Variants in APOH observed in about 807,000 individuals in gnomAD.
APOH encodes beta-2-glycoprotein 1.
APOH carries 48 observed loss-of-function variants against 39.8 expected under a neutral mutation model. The observed-to-expected ratio is 1.21, with a 90% CI of 0.96 to 1.54. The LOEUF is 1.54. Ranked by LOEUF, APOH falls within the 40% of genes most tolerant of loss-of-function variation. The pLI, the probability that APOH is intolerant of heterozygous loss-of-function variation, is 0.00. For synonymous variants in APOH, 153 were observed against 151.1 expected (o/e 1.01, Z -0.09); for missense variants, 415 against 421.2 (o/e 0.99, Z 0.13).
chr17:66,215,159 C>A (rs1325783639), intron 6 of APOH, among the ~76,000 whole-genome samples: 1 of 152,190 alleles, frequency 6.6e-6, no homozygotes, highest in Non-Finnish European at 1.5e-5. Context: ...AAGCCAAAGA[C>A]TGACTGATGA....
rs550977968 is a variant in APOH, at chr17:66,219,900, A to G, written c.604+654T>C. Among the ~76,000 whole-genome samples, 8 of 152,252 alleles carry G rather than the reference A, an allele frequency of 5.3e-5. No individual in the cohort carries two copies. The East Asian group carries it at 1.5e-3, about 29-fold the overall frequency. ...ACTCCAGCCTGAGTGACAGAGTGAG[A>G]CTATCTCAAAAAAAAGAAAAAAACA... On this transcript the variant is annotated intron_variant, in intron 5 of 7. Transcript: ENST00000205948.
At position 66,223,708 on chromosome 17, in the gene APOH, A is replaced by G. The variant is rs145202489; in HGVS notation, c.405T>C (p.Pro135=). ...TEEGKWSPEL[P]VCAPIICPPP... is the part of the protein sequence containing the mutation. ...TGCCCACAGACTTACGAGCACAGAC[A>G]GGAAGCTCCGGGCTCCATTTTCCTT... The change falls in exon 4 of 8, where the codon CCT becomes CCC. Residue 135 remains proline, a synonymous_variant. Coordinates refer to ENST00000205948, the MANE Select transcript of APOH (RefSeq NM_000042.3). 9.9e-6 allele frequency: 16 copies of G among 1,614,076 alleles called. No individual in the cohort carries two copies. The African/African-American group carries it at 1.6e-4, about 16-fold the overall frequency.
chr17:66,224,029 G>C (rs1179865798), intron 3 of APOH, among the ~76,000 whole-genome samples: 1 of 152,130 alleles, frequency 6.6e-6, no homozygotes, highest in African/African-American at 2.4e-5. Flanking sequence ...TCTTTAAAGA[G>C]TTGGCCAAGA....
At chr17:66,212,235 C>G in intron 7 of APOH, 47 bp from the exon 8 acceptor site, 1 of 1,542,714 alleles carries the variant, frequency 6.5e-7, no homozygotes, top group East Asian at 2.3e-5. Context: ...ACAATCATTT[C>G]TTAAATGTGG....
chr17:66,227,230 A>C (rs1397450554), intron 2 of APOH, among the ~76,000 whole-genome samples: 1 of 152,156 alleles, frequency 6.6e-6, no homozygotes, highest in Non-Finnish European at 1.5e-5. Flanking sequence ...TTGGCTTTTT[A>C]CTAAAAATTA....
intron 2 of APOH, 121 bp downstream of exon 2, chr17:66,227,899 A>G (rs545764645): frequency 4.3e-5 from 44 of 1,028,372 alleles, no homozygotes; most frequent in Non-Finnish European, 5.9e-5. Context: ...TTTCTCTCCA[A>G]CCTGGCTTTC....
At chr17:66,222,897 T>C (rs3785617) in intron 4 of APOH, among the ~76,000 whole-genome samples, 46,968 of 152,008 alleles carry the variant, frequency 0.31, 7,552 homozygotes, top group Non-Finnish European at 0.37. Context: ...AAAGACAGAC[T>C]TCACTGACAT....
intron 1 of APOH, among the ~76,000 whole-genome samples, chr17:66,228,403 T>C (rs537722933): frequency 6.6e-6 from 1 of 152,310 alleles, no homozygotes; most frequent in African/African-American, 2.4e-5. Context: ...TACAGGTCAG[T>C]ATGCTGAGGC....
chr17:66,222,397 A>C (rs944723964), intron 4 of APOH, among the ~76,000 whole-genome samples: 2 of 152,128 alleles, frequency 1.3e-5, no homozygotes, highest in Non-Finnish European at 2.9e-5. Context: ...ATAAAGAAGC[A>C]AATTTACATA....
chr17:66,223,158 C>T (rs2073412663), intron 4 of APOH, among the ~76,000 whole-genome samples: 1 of 152,156 alleles, frequency 6.6e-6, no homozygotes, highest in African/African-American at 2.4e-5. Flanking sequence ...TCGTCTGTCC[C>T]GTAAGTCACT....
chr17:66,220,768 C>T (rs1450636760), intron 4 of APOH, 26 bp from the exon 5 acceptor site: 2 of 1,571,526 alleles, frequency 1.3e-6, no homozygotes, highest in African/African-American at 1.4e-5. Flanking sequence ...ACTATCATTT[C>T]TATGAAAATA....
intron 4 of APOH, among the ~76,000 whole-genome samples, chr17:66,222,403 A>G (rs16958975): frequency 0.021 from 3,163 of 152,230 alleles, 112 homozygotes; most frequent in African/African-American, 0.071. Context: ...AAGCAAATTT[A>G]CATAATCGGT....
chr17:66,226,203 T>A (rs1359714057), intron 2 of APOH, 79 bp from the exon 3 acceptor site: 3 of 1,013,442 alleles, frequency 3.0e-6, no homozygotes, highest in Non-Finnish European at 4.4e-6. Flanking sequence ...ATTTATAGAA[T>A]TTTTCATTAA....
intron 6 of APOH, among the ~76,000 whole-genome samples, chr17:66,216,036 A>C (rs1265475780): frequency 6.6e-6 from 1 of 152,090 alleles, no homozygotes; most frequent in African/African-American, 2.4e-5. Flanking sequence ...AGCCTTGGCT[A>C]GACAGAGCAC....
chr17:66,225,960 G>A, intron 3 of APOH, 68 bp downstream of exon 3: 1 of 1,081,384 alleles, frequency 9.2e-7, no homozygotes, highest in Non-Finnish European at 1.4e-6. Flanking sequence ...GACCAGTCTT[G>A]ATGTTTAGCT....
intron 6 of APOH, among the ~76,000 whole-genome samples, chr17:66,216,409 G>A (rs747442586): frequency 9.9e-5 from 15 of 151,302 alleles, no homozygotes; most frequent in Non-Finnish European, 2.1e-4. Context: ...GCTTGAACCC[G>A]GGAGGCAGAG....
chr17:66,221,381 G>GAGGAAGGA (rs1230021025), intron 4 of APOH, among the ~76,000 whole-genome samples: 1,897 of 28,358 alleles, frequency 0.067, 74 homozygotes, highest in Middle Eastern at 0.12. Context: ...GGGAGGGAGG[G>GAGGAAGGA]AGGAAGGAAG....
Position 66,229,400 on chromosome 17 carries a change from A to C in APOH, c.-21T>G. On this transcript the variant is annotated 5_prime_UTR_variant, in exon 1 of 8. Coordinates refer to ENST00000205948, the MANE Select transcript of APOH (RefSeq NM_000042.3). ...ATCATTGTGGATGAGTCACACTGGCACTACCAAAGTGGTTTTCGTCTGCTA... is the reference window on the plus strand; with the variant it reads ...ATCATTGTGGATGAGTCACACTGGCCCTACCAAAGTGGTTTTCGTCTGCTA... 2.5e-6 allele frequency: 4 copies of C among 1,611,644 alleles called. No homozygotes were observed. The highest frequency in any genetic ancestry group is 3.4e-6 in the Non-Finnish European group (4 of 1,178,438).
At chr17:66,217,799 C>T (rs1032924443) in intron 5 of APOH, among the ~76,000 whole-genome samples, 15 of 151,890 alleles carry the variant, frequency 9.9e-5, no homozygotes, top group Admixed American at 2.0e-4. Context: ...AAAAATTAGC[C>T]GGGTGTGGTG....
Sources: gnomAD v4.1 joint callset for allele counts (sites outside exome capture counted in the v4.1 genomes callset) on GRCh38, gnomAD v4.1.1 for gene constraint, MANE v1.5 for transcripts, NCBI Gene and HGNC (gene_info 2026-07-23, HGNC 2026-07-21) for gene names.